Variants in RSPO2 observed in about 807,000 individuals in gnomAD.
The protein encoded by RSPO2 is R-spondin 2, also known as R-spondin-2.
In RSPO2, 14 loss-of-function variants were observed where a neutral mutation model predicts 30.9. That is an observed-to-expected ratio of 0.45 (90% CI 0.30 to 0.71). The LOEUF is 0.71. Among genes scored for constraint, RSPO2 ranks in the 30% least tolerant of loss-of-function variants. RSPO2 has a pLI of 0.08. For missense variants in RSPO2, 264 were observed against 301.9 expected, an observed-to-expected ratio of 0.87 and a Z score of 0.93; for synonymous variants, 107 against 96.4, an observed-to-expected ratio of 1.11 and a Z score of -0.64.
At chr8:108,037,860 G>A (rs746874473) in intron 2 of RSPO2, among the ~76,000 whole-genome samples, 46 of 152,098 alleles carry the variant, frequency 3.0e-4, no homozygotes, top group Non-Finnish European at 2.6e-4. Context: ...TTTTAAGCCC[G>A]CTGTTGAGAC....
rs148719330 is a variant in RSPO2 at position 107,983,617 on chromosome 8, A to G, written c.283+5439T>C. On this transcript the variant is annotated intron_variant, in intron 3 of 5. Coordinates refer to ENST00000276659, the MANE Select transcript of RSPO2 (RefSeq NM_178565.5). ...AGCCCCAAAAGACGATAAAACAATT[A>G]TAGAGGAGCAGGCAACCAAAATTGC... 1.3e-5 allele frequency: 21 copies of G among 1,595,452 alleles called. 1 individual carries two copies. Among genetic ancestry groups the G allele is most frequent in the Middle Eastern group, 4.4e-4 (2 of 4,582 alleles).
chr8:108,040,093 T>A (rs923185237), intron 2 of RSPO2, among the ~76,000 whole-genome samples: 10 of 152,136 alleles, frequency 6.6e-5, no homozygotes, highest in African/African-American at 2.4e-4. Context: ...GTAGCCTGAA[T>A]AAAGACATCC....
intron 2 of RSPO2, among the ~76,000 whole-genome samples, chr8:108,012,182 C>A (rs1324481286): frequency 1.3e-5 from 2 of 152,052 alleles, no homozygotes; most frequent in African/African-American, 4.8e-5. Flanking sequence ...AAGCTGAAAC[C>A]AAGACTGGTT....
At chr8:108,015,504 A>C (rs1810858783) in intron 2 of RSPO2, among the ~76,000 whole-genome samples, 2 of 152,108 alleles carry the variant, frequency 1.3e-5, no homozygotes, top group Non-Finnish European at 2.9e-5. Flanking sequence ...TCTGCTCTGG[A>C]CTAGGCCTCA....
intron 5 of RSPO2, among the ~76,000 whole-genome samples, chr8:107,943,210 C>G (rs1184612475): frequency 6.6e-6 from 1 of 152,122 alleles, no homozygotes. Context: ...TGCACACATG[C>G]GTGCGTGCGC....
chr8:107,954,853 C>T (rs1813370268), intron 5 of RSPO2, among the ~76,000 whole-genome samples: 2 of 151,794 alleles, frequency 1.3e-5, no homozygotes, highest in South Asian at 4.1e-4. Context: ...TCTTGATCTG[C>T]CTGTCTTGGC....
chr8:108,006,817 C>A (rs963419509), intron 2 of RSPO2, among the ~76,000 whole-genome samples: 1 of 152,120 alleles, frequency 6.6e-6, no homozygotes, highest in Non-Finnish European at 1.5e-5. Flanking sequence ...GCATTCTCTC[C>A]CTCTGTGTAT....
chr8:108,033,899 T>C (rs1811508353), intron 2 of RSPO2, among the ~76,000 whole-genome samples: 1 of 152,184 alleles, frequency 6.6e-6, no homozygotes. Flanking sequence ...TACAACCCAC[T>C]GGCAACACCC....
At chr8:107,965,604 A>T (rs1813775670) in intron 3 of RSPO2, among the ~76,000 whole-genome samples, 1 of 151,992 alleles carries the variant, frequency 6.6e-6, no homozygotes, top group East Asian at 1.9e-4. Context: ...TACATTAGAG[A>T]CAGAAAAGGG....
At chr8:108,023,770 A>G (rs1811122303) in intron 2 of RSPO2, among the ~76,000 whole-genome samples, 1 of 152,220 alleles carries the variant, frequency 6.6e-6, no homozygotes, top group Non-Finnish European at 1.5e-5. Context: ...CTGACAATAA[A>G]AGAGCAAGTA....
At chr8:107,903,969 ACAAC>A (rs1811557040) in intron 5 of RSPO2, among the ~76,000 whole-genome samples, 1 of 152,140 alleles carries the variant, frequency 6.6e-6, no homozygotes, top group Non-Finnish European at 1.5e-5. Context: ...ATACTAAAAT[ACAAC>A]GTAACATACA....
chr8:107,987,044 A>AG (rs1333432248), intron 3 of RSPO2, among the ~76,000 whole-genome samples: 2 of 152,178 alleles, frequency 1.3e-5, no homozygotes, highest in Non-Finnish European at 2.9e-5. Context: ...CATGAAATGA[A>AG]GGTAGATCCA....
At chr8:107,954,897 T>C (rs1257118907) in intron 5 of RSPO2, among the ~76,000 whole-genome samples, 2 of 152,144 alleles carry the variant, frequency 1.3e-5, no homozygotes, top group Non-Finnish European at 2.9e-5. Flanking sequence ...GCGTGAGCCA[T>C]TGCGCCTGGC....
intron 2 of RSPO2, among the ~76,000 whole-genome samples, chr8:108,038,283 G>A (rs116625625): frequency 0.012 from 1,874 of 152,286 alleles, 41 homozygotes; most frequent in African/African-American, 0.042. Flanking sequence ...AGATGGAGAA[G>A]TGAAGCCTGA....
At chr8:108,011,081 C>T (rs910093634) in intron 2 of RSPO2, among the ~76,000 whole-genome samples, 1 of 138,512 alleles carries the variant, frequency 7.2e-6, no homozygotes, top group Non-Finnish European at 1.5e-5. Flanking sequence ...TGCAGTAAAC[C>T]GAGATCGCGC....
In RSPO2 at chr8:108,057,055, C is replaced by CAAA. The variant is rs56727719; in HGVS notation, c.94+25487_94+25489dup. Among the ~76,000 whole-genome samples, 48 of 36,080 alleles carry CAAA rather than the reference C, an allele frequency of 1.3e-3. 5 individuals carry two copies. Among genetic ancestry groups the CAAA allele is most frequent in the Non-Finnish European group, 1.9e-3 (38 of 19,940 alleles). 23.7% of individuals were successfully genotyped at this position (36,080 alleles called of 152,430 possible). Reference sequence around the variant, plus strand: ...CTGGCAACAGAGTGAGACTCTGTCTCAAAAAAAAAAAAAAAAAAAAAAAAA... The same window carrying CAAA: ...CTGGCAACAGAGTGAGACTCTGTCTCAAAAAAAAAAAAAAAAAAAAAAAAAAAA... On this transcript the variant is annotated intron_variant, in intron 2 of 5. Coordinates refer to ENST00000276659, the MANE Select transcript of RSPO2 (RefSeq NM_178565.5).
chr8:108,050,486 T>C (rs2130677755), intron 2 of RSPO2, among the ~76,000 whole-genome samples: 1 of 152,256 alleles, frequency 6.6e-6, no homozygotes, highest in South Asian at 2.1e-4. Context: ...TGGAAATATA[T>C]TAATTTTTTT....
chr8:107,950,752 TAAAAAA>T (rs10599629), intron 5 of RSPO2, among the ~76,000 whole-genome samples: 7 of 142,052 alleles, frequency 4.9e-5, no homozygotes, highest in African/African-American at 1.0e-4. Context: ...TAATTAATGG[TAAAAAA>T]AAAAAAAAAA....
chr8:108,019,181 C>T (rs1810984292), intron 2 of RSPO2, among the ~76,000 whole-genome samples: 1 of 151,860 alleles, frequency 6.6e-6, no homozygotes, highest in Non-Finnish European at 1.5e-5. Context: ...ATGGCGAAAC[C>T]CCATCTCTAC....
Sources: gnomAD v4.1 joint callset for allele counts (sites outside exome capture counted in the v4.1 genomes callset) on GRCh38, gnomAD v4.1.1 for gene constraint, MANE v1.5 for transcripts, NCBI Gene and HGNC (gene_info 2026-07-23, HGNC 2026-07-21) for gene names.